Variants in TRPM3 observed in about 807,000 individuals in gnomAD.
TRPM3 encodes long transient receptor potential channel 3.
TRPM3 carries 77 observed loss-of-function variants against 181.2 expected under a neutral mutation model. The observed-to-expected ratio is 0.42, with a 90% CI of 0.35 to 0.51. The LOEUF (loss-of-function observed/expected upper bound fraction) is 0.51, where lower values mean the gene tolerates loss of function less well. Ranked by LOEUF, TRPM3 falls within the 20% of genes least tolerant of loss-of-function variation. The pLI is 0.01. For synonymous variants in TRPM3, 745 were observed against 796.4 expected, an observed-to-expected ratio of 0.94 and a Z score of 1.09; for missense variants, 1,759 against 2,196.7, an observed-to-expected ratio of 0.80 and a Z score of 3.98.
chr9:70,788,294 G>A (rs2084429568), intron 6 of TRPM3, among the ~76,000 whole-genome samples: 2 of 151,290 alleles, frequency 1.3e-5, no homozygotes, highest in East Asian at 3.9e-4. Flanking sequence ...TGAATACTTT[G>A]TTAATGGACC....
At chr9:71,369,280 C>A (rs988770323) in intron 1 of TRPM3, among the ~76,000 whole-genome samples, 4 of 151,998 alleles carry the variant, frequency 2.6e-5, no homozygotes, top group Non-Finnish European at 5.9e-5. Context: ...AGGGAAAATA[C>A]TAATTGGAAT....
intron 1 of TRPM3, among the ~76,000 whole-genome samples, chr9:71,366,080 T>G (rs1044588377): frequency 3.9e-5 from 6 of 152,132 alleles, no homozygotes; most frequent in Non-Finnish European, 7.4e-5. Flanking sequence ...AGATTGGTCA[T>G]CATAGGAAAT....
At chr9:71,228,283 G>A (rs547289385) in intron 1 of TRPM3, among the ~76,000 whole-genome samples, 2 of 152,042 alleles carry the variant, frequency 1.3e-5, no homozygotes, top group African/African-American at 2.4e-5. Context: ...ACTCAACATC[G>A]CTTCATGATA....
chr9:70,958,024 C>T (rs1450735323), intron 1 of TRPM3, among the ~76,000 whole-genome samples: 1 of 152,178 alleles, frequency 6.6e-6, no homozygotes, highest in Non-Finnish European at 1.5e-5. Context: ...TGAAATTAGA[C>T]ATGGAACCTT....
In TRPM3 at chr9:70,799,112, C is replaced by T. The variant is rs369947843; in HGVS notation, c.974-14833G>A. Among the ~76,000 whole-genome samples the T allele has an allele frequency of 2.2e-4, 33 of 152,324 alleles. 1 individual carries two copies. In the South Asian group the frequency reaches 6.8e-3, roughly 32 times the overall value. ...GGGAGAAAACATTAACAAAGGTTTA[C>T]ATTCTTCCCCTTGCTGGAAGGATGT... is the stretch of plus-strand genomic sequence containing the variant. On this transcript the variant is annotated intron_variant, in intron 6 of 25. Transcript: ENST00000677713.
At chr9:71,200,814 T>C (rs1443013023) in intron 1 of TRPM3, among the ~76,000 whole-genome samples, 3 of 152,112 alleles carry the variant, frequency 2.0e-5, no homozygotes, top group Admixed American at 1.3e-4. Flanking sequence ...TGATGGGTCT[T>C]GACTCTTTAT....
chr9:70,862,343 A>G (rs2095543347), intron 3 of TRPM3, among the ~76,000 whole-genome samples: 1 of 152,176 alleles, frequency 6.6e-6, no homozygotes, highest in African/African-American at 2.4e-5. Flanking sequence ...AACTCAAAAA[A>G]TGCTTTTTAT....
In TRPM3 at chr9:70,810,066, A is replaced by G. The variant is rs921908869; in HGVS notation, c.973+17781T>C. ...TGACAAAGGGAAGTCCACGAGTCACATGAAGAAAGACTGTAGCCATGGGTA... is the reference window on the plus strand; with the variant it reads ...TGACAAAGGGAAGTCCACGAGTCACGTGAAGAAAGACTGTAGCCATGGGTA... On this transcript the variant is annotated intron_variant, in intron 6 of 25. Coordinates refer to ENST00000677713, the MANE Select transcript of TRPM3 (RefSeq NM_001366145.2). The G allele has an allele frequency of 1.9e-5, 10 of 534,500 alleles. No individual in the cohort carries two copies. The highest frequency in any genetic ancestry group is 3.2e-4 in the Middle Eastern group (1 of 3,170). The allele number at this position is 534,500 out of a possible 1,614,324, so 33.1% of individuals were successfully genotyped here. A position where few individuals can be genotyped will look rare whatever the true frequency, so the allele number is the denominator to read the frequency against.
At chr9:71,066,122 A>G (rs1299476360) in intron 1 of TRPM3, among the ~76,000 whole-genome samples, 1 of 152,096 alleles carries the variant, frequency 6.6e-6, no homozygotes, top group Non-Finnish European at 1.5e-5. Context: ...CATATTTGAG[A>G]AATGTTCCTA....
At chr9:71,053,501 G>A (rs917950102) in intron 1 of TRPM3, among the ~76,000 whole-genome samples, 3 of 152,120 alleles carry the variant, frequency 2.0e-5, no homozygotes, top group Non-Finnish European at 4.4e-5. Context: ...CAGAGAATGA[G>A]TGTCAACCCG....
intron 6 of TRPM3, among the ~76,000 whole-genome samples, chr9:70,806,894 T>C (rs966686241): frequency 6.6e-6 from 1 of 152,116 alleles, no homozygotes; most frequent in South Asian, 2.1e-4. Context: ...CAAATAATTA[T>C]AAATCCTAAG....
intron 7 of TRPM3, chr9:70,776,492 T>TA (rs1333080827): frequency 4.8e-6 from 3 of 627,830 alleles, no homozygotes; most frequent in African/African-American, 5.9e-5. Flanking sequence ...TTTGAGCTAG[T>TA]CAAAAAATGA....
chr9:71,057,214 C>T (rs190276349), intron 1 of TRPM3, among the ~76,000 whole-genome samples: 1 of 152,140 alleles, frequency 6.6e-6, no homozygotes, highest in Admixed American at 6.5e-5. Context: ...CTCTGAAGGG[C>T]CAGAGGGGCA....
chr9:71,014,431 T>A (rs890788604), intron 1 of TRPM3, among the ~76,000 whole-genome samples: 1 of 152,122 alleles, frequency 6.6e-6, no homozygotes, highest in African/African-American at 2.4e-5. Context: ...TTATATCTTA[T>A]TTTTTATCTG....
chr9:70,761,944 T>C (rs1400606473), intron 7 of TRPM3, among the ~76,000 whole-genome samples: 1 of 152,176 alleles, frequency 6.6e-6, no homozygotes, highest in African/African-American at 2.4e-5. Flanking sequence ...GTCGAAAGAT[T>C]GATTTACATA....
intron 1 of TRPM3, among the ~76,000 whole-genome samples, chr9:71,355,821 G>A (rs1222594076): frequency 7.1e-6 from 1 of 140,184 alleles, no homozygotes; most frequent in Non-Finnish European, 1.6e-5. Flanking sequence ...TTTCACCACA[G>A]TAAAACACAA....
At chr9:71,373,422 A>T (rs1046382814) in intron 1 of TRPM3, among the ~76,000 whole-genome samples, 3 of 152,162 alleles carry the variant, frequency 2.0e-5, no homozygotes, top group African/African-American at 7.2e-5. Flanking sequence ...TCAAATAAAC[A>T]CAATCAGAAC....
intron 1 of TRPM3, among the ~76,000 whole-genome samples, chr9:71,314,225 T>TGGTGTATTTATCA (rs2088309341): frequency 6.6e-6 from 1 of 152,276 alleles, no homozygotes; most frequent in East Asian, 1.9e-4. Context: ...TAAAGAGAAC[T>TGGTGTATTTATCA]CACTTATACC....
At chr9:71,171,031 C>CT (rs375936897) in intron 1 of TRPM3, among the ~76,000 whole-genome samples, 1 of 150,344 alleles carries the variant, frequency 6.7e-6, no homozygotes, top group Non-Finnish European at 1.5e-5. Flanking sequence ...TTATAAACAG[C>CT]CCCCCCCAGG....
Sources: allele counts gnomAD v4.1 joint callset (sites outside exome capture counted in the v4.1 genomes callset), GRCh38; gene constraint gnomAD v4.1.1; transcripts MANE v1.5; gene names NCBI Gene and HGNC (gene_info 2026-07-23, HGNC 2026-07-21).